STIM1: variants seen among roughly 807,000 people sequenced by gnomAD.
The protein encoded by STIM1 is stromal interaction molecule 1.
In STIM1, 25 loss-of-function variants were observed where a neutral mutation model predicts 74.7. The observed-to-expected ratio is 0.33, with a 90% CI of 0.24 to 0.47. The LOEUF is 0.47. Among genes scored for constraint, STIM1 ranks in the 20% least tolerant of loss-of-function variants. STIM1 has a pLI of 1.00. For missense variants in STIM1, 728 were observed against 920.8 expected, an observed-to-expected ratio of 0.79 and a Z score of 2.71; for synonymous variants, 328 against 348.8, an observed-to-expected ratio of 0.94 and a Z score of 0.66.
intron 2 of STIM1, among the ~76,000 whole-genome samples, chr11:4,016,266 C>G (rs368122662): frequency 5.9e-5 from 9 of 152,204 alleles, no homozygotes; most frequent in African/African-American, 2.2e-4. Context: ...GATGCTATTC[C>G]TTTCTGTTTG....
intron 1 of STIM1, among the ~76,000 whole-genome samples, chr11:3,950,610 A>G (rs1243176209): frequency 6.6e-6 from 1 of 152,108 alleles, no homozygotes; most frequent in Non-Finnish European, 1.5e-5. Context: ...TCAGAGGGCT[A>G]TCTAGTCAGA....
intron 1 of STIM1, among the ~76,000 whole-genome samples, chr11:3,900,387 C>T (rs933386245): frequency 6.6e-6 from 1 of 152,200 alleles, no homozygotes; most frequent in Non-Finnish European, 1.5e-5. Context: ...TTGCACTTCC[C>T]GAGTGAGGCA....
At chr11:3,865,830 C>A (rs1303500886) in intron 1 of STIM1, among the ~76,000 whole-genome samples, 2 of 152,160 alleles carry the variant, frequency 1.3e-5, no homozygotes, top group African/African-American at 4.8e-5. Context: ...AGGGGAGGTT[C>A]TCTGGGCATT....
At chr11:3,988,014 A>AT (rs2093573393) in intron 2 of STIM1, among the ~76,000 whole-genome samples, 2 of 152,196 alleles carry the variant, frequency 1.3e-5, no homozygotes, top group African/African-American at 4.8e-5. Flanking sequence ...AGTGTCATTT[A>AT]TAAGGAACAC....
At chr11:4,031,925 T>A (rs2094053975) in intron 3 of STIM1, among the ~76,000 whole-genome samples, 2 of 152,226 alleles carry the variant, frequency 1.3e-5, no homozygotes, top group South Asian at 4.1e-4. Flanking sequence ...CTTTTGGTAT[T>A]GTATCTAATA....
chr11:4,083,615 A>G, intron 10 of STIM1, 117 bp downstream of exon 10: 4 of 980,422 alleles, frequency 4.1e-6, no homozygotes, highest in African/African-American at 1.6e-5. Flanking sequence ...AGATAGTTCA[A>G]CTCATGACCT....
chr11:3,984,169 T>G (rs957550706), intron 2 of STIM1, among the ~76,000 whole-genome samples: 4 of 152,172 alleles, frequency 2.6e-5, no homozygotes, highest in Non-Finnish European at 5.9e-5. Context: ...TCCAGCCTCT[T>G]TCTCCTTTCT....
At chr11:3,933,753 A>G (rs1322140729) in intron 1 of STIM1, among the ~76,000 whole-genome samples, 1 of 152,218 alleles carries the variant, frequency 6.6e-6, no homozygotes, top group Non-Finnish European at 1.5e-5. Flanking sequence ...CATTATAACT[A>G]TAATTGGAGT....
chr11:4,021,133 ATGG>A (rs71466145), intron 2 of STIM1, among the ~76,000 whole-genome samples: 65,968 of 151,344 alleles, frequency 0.44, 16,654 homozygotes, highest in Non-Finnish European at 0.57. Context: ...TTTGTTGCCT[ATGG>A]TGGTGGTGGT....
chr11:3,895,708 TTC>T (rs1206623725), intron 1 of STIM1, among the ~76,000 whole-genome samples: 22 of 34,892 alleles, frequency 6.3e-4, no homozygotes, highest in Admixed American at 1.2e-3. Context: ...CTTTCTTTCT[TTC>T]TTTCTTTCTT....
At chr11:4,011,589 A>G (rs1218403733) in intron 2 of STIM1, among the ~76,000 whole-genome samples, 2 of 151,868 alleles carry the variant, frequency 1.3e-5, no homozygotes, top group African/African-American at 2.4e-5. Context: ...TTTTTCTTGT[A>G]AATTTGTTTA....
intron 1 of STIM1, among the ~76,000 whole-genome samples, chr11:3,897,500 G>A (rs2092217754): frequency 6.6e-6 from 1 of 151,902 alleles, no homozygotes; most frequent in African/African-American, 2.4e-5. Flanking sequence ...TTGTTTGTTT[G>A]TTTTTATTTT....
At chr11:3,904,196 C>CAAAA (rs57908154) in intron 1 of STIM1, among the ~76,000 whole-genome samples, 35 of 73,856 alleles carry the variant, frequency 4.7e-4, no homozygotes, top group Non-Finnish European at 6.6e-4. Flanking sequence ...GACTCTGTCT[C>CAAAA]AAAAAAAAAA....
At chr11:3,871,983 T>G (rs10160703) in intron 1 of STIM1, among the ~76,000 whole-genome samples, 50,327 of 152,156 alleles carry the variant, frequency 0.33, 9,713 homozygotes, top group South Asian at 0.47. Flanking sequence ...TTTGCAATTC[T>G]TTGGTTTATC....
At chr11:4,075,763 A>T (rs1460234933) in intron 7 of STIM1, among the ~76,000 whole-genome samples, 1 of 152,184 alleles carries the variant, frequency 6.6e-6, no homozygotes, top group Non-Finnish European at 1.5e-5. Context: ...ATTTAGCTTT[A>T]TTAGAAACTG....
At chr11:4,037,144 C>T (rs994343290) in intron 3 of STIM1, among the ~76,000 whole-genome samples, 3 of 152,030 alleles carry the variant, frequency 2.0e-5, no homozygotes, top group South Asian at 4.2e-4. Context: ...CAACCTCCGC[C>T]TCCTGGGTTC....
chr11:4,090,376 A>G (rs2094516910), intron 12 of STIM1, among the ~76,000 whole-genome samples: 2 of 152,138 alleles, frequency 1.3e-5, no homozygotes, highest in South Asian at 4.1e-4. Context: ...CTGTCTTTCT[A>G]TGCCTCCCTA....
At chr11:3,914,931 T>C (rs2092621270) in intron 1 of STIM1, among the ~76,000 whole-genome samples, 1 of 152,118 alleles carries the variant, frequency 6.6e-6, no homozygotes, top group African/African-American at 2.4e-5. Flanking sequence ...TTTTCCTTTT[T>C]GGTTTTGTTT....
At chr11:3,881,239 T>A (rs1336754054) in intron 1 of STIM1, among the ~76,000 whole-genome samples, 1 of 152,140 alleles carries the variant, frequency 6.6e-6, no homozygotes, top group Non-Finnish European at 1.5e-5. Flanking sequence ...CAGTTGTTCC[T>A]AATTCCCCCT....
Sources: gnomAD v4.1 joint callset for allele counts (sites outside exome capture counted in the v4.1 genomes callset) on GRCh38, gnomAD v4.1.1 for gene constraint, MANE v1.5 for transcripts, NCBI Gene and HGNC (gene_info 2026-07-23, HGNC 2026-07-21) for gene names.